The following CCT7 variants were observed in gnomAD, a reference collection of about 807,000 sequenced individuals.
The protein encoded by CCT7 is chaperonin containing TCP1 subunit 7.
A neutral mutation model predicts 56.6 loss-of-function variants in CCT7; 16 were observed. That is an observed-to-expected ratio of 0.28 (90% CI 0.19 to 0.43). CCT7 has a LOEUF of 0.43. CCT7 is among the 20% of genes least tolerant of loss of function. The pLI is 1.00. For synonymous variants in CCT7, 262 were observed against 254.8 expected, an observed-to-expected ratio of 1.03 and a Z score of -0.27; for missense variants, 519 against 685.6, an observed-to-expected ratio of 0.76 and a Z score of 2.71.
intron 4 of CCT7, chr2:73,243,781 T>G (rs1177280256): frequency 5.4e-6 from 3 of 560,372 alleles, no homozygotes; most frequent in Non-Finnish European, 9.5e-6. Flanking sequence ...TCTTCAGAAC[T>G]GTATACCCAC....
Position 73,244,632 on chromosome 2 carries a change from G to T in CCT7, c.535G>T (p.Val179Leu). The T allele has an allele frequency of 6.2e-7, 1 of 1,613,896 alleles. No homozygotes were observed. Among genetic ancestry groups the T allele is most frequent in the Non-Finnish European group, 8.5e-7 (1 of 1,179,800 alleles). ...SQQKAFFAKM[V>L]VDAVMMLDDL... ...GCAGAAAGCTTTCTTTGCTAAGATG[G>T]TGGTGGATGCAGTGATGATGCTCGA... The change falls in exon 6 of 12, where the codon GTG becomes TTG. Residue 179 changes from valine (V) to leucine (L), a missense_variant. Transcript: ENST00000258091.
chr2:73,252,324 GATATAT>G (rs57359293), intron 11 of CCT7, among the ~76,000 whole-genome samples: 6 of 127,314 alleles, frequency 4.7e-5, no homozygotes, highest in African/African-American at 1.5e-4. Flanking sequence ...CTCATTGTTT[GATATAT>G]ATATATATAT....
intron 7 of CCT7, 67 bp from the exon 8 acceptor site, chr2:73,248,924 A>G (rs1449039262): frequency 2.2e-6 from 3 of 1,337,844 alleles, no homozygotes; most frequent in South Asian, 1.3e-5. Context: ...AGATGGGTAT[A>G]TTTTACCCTA....
rs779829209 is a variant in CCT7, at chr2:73,244,656, G to A, written c.559G>A (p.Asp187Asn). 30 of 1,613,654 alleles carry A rather than the reference G, an allele frequency of 1.9e-5. No homozygotes were observed. The highest frequency in any genetic ancestry group is 2.4e-5 in the Non-Finnish European group (28 of 1,179,768). The change falls in exon 6 of 12, where the codon GAT (aspartate) becomes AAT (asparagine). Residue 187 changes from aspartate (D) to asparagine (N), a missense_variant. By Grantham distance (23) the Asp-to-Asn change is conservative. This residue lies in a region of CCT7 where 276 missense variants were observed against 357.3 expected (regional missense o/e 0.77). Transcript: ENST00000258091. ...KMVVDAVMML[D>N]DLLQLKMIGI... is the part of the protein sequence containing the mutation. ...GGTGGTGGATGCAGTGATGATGCTC[G>A]ATGATTTGCTGCAGCTTAAAATGAT...
At chr2:73,250,276 C>T in intron 9 of CCT7, 30 bp from the exon 10 acceptor site, 1 of 1,613,212 alleles carries the variant, frequency 6.2e-7, no homozygotes, top group South Asian at 1.1e-5. Flanking sequence ...GACAAGAGTT[C>T]ATGTGTGTAC....
chr2:73,249,259 A>T lies in CCT7; in HGVS notation c.972+80A>T, dbSNP rs374404872. Reference sequence around the variant, plus strand: ...ACTGACCCCTGGTATAACAGAGTGTACTGTCAGGTTGGCGTGTGAATTGAG... The same window carrying T: ...ACTGACCCCTGGTATAACAGAGTGTTCTGTCAGGTTGGCGTGTGAATTGAG... On this transcript the variant is annotated intron_variant, in intron 8 of 11. Coordinates refer to ENST00000258091, the MANE Select transcript of CCT7 (RefSeq NM_006429.4). 1.6e-5 allele frequency: 18 copies of T among 1,131,178 alleles called. 1 individual carries two copies. The highest frequency in any genetic ancestry group is 1.6e-4 in the African/African-American group (10 of 63,206). 70.1% of individuals were successfully genotyped at this position (1,131,178 alleles called of 1,614,324 possible). A position where few individuals can be genotyped will look rare whatever the true frequency, so the allele number is the denominator to read the frequency against.
At chr2:73,247,417 T>G (rs1231981731) in intron 6 of CCT7, among the ~76,000 whole-genome samples, 2 of 152,174 alleles carry the variant, frequency 1.3e-5, no homozygotes, top group Admixed American at 6.5e-5. Flanking sequence ...GCTCCTCTTC[T>G]GGCATACTTT....
chr2:73,249,973 T>C, intron 9 of CCT7, 57 bp downstream of exon 9: 1 of 1,198,276 alleles, frequency 8.3e-7, no homozygotes, highest in Non-Finnish European at 1.2e-6. Flanking sequence ...TCTTCTGCCA[T>C]CTTTTGGCTG....
intron 3 of CCT7, among the ~76,000 whole-genome samples, chr2:73,242,225 C>T (rs960997137): frequency 2.0e-5 from 3 of 151,854 alleles, no homozygotes; most frequent in African/African-American, 7.3e-5. Context: ...AGTTCAAAAC[C>T]AGTCTAGACA....
At chr2:73,236,198 GAC>G (rs1686875913) in intron 1 of CCT7, among the ~76,000 whole-genome samples, 1 of 152,250 alleles carries the variant, frequency 6.6e-6, no homozygotes, top group African/African-American at 2.4e-5. Flanking sequence ...CCTTGGCATA[GAC>G]ACACTTGTTT....
chr2:73,247,382 G>A (rs2103796482), intron 6 of CCT7, among the ~76,000 whole-genome samples: 1 of 152,126 alleles, frequency 6.6e-6, no homozygotes, highest in Non-Finnish European at 1.5e-5. Context: ...CACAGCTTTT[G>A]TTTTGCCTTC....
chr2:73,241,619 C>A (rs1687118301), intron 3 of CCT7, among the ~76,000 whole-genome samples: 1 of 152,122 alleles, frequency 6.6e-6, no homozygotes, highest in Non-Finnish European at 1.5e-5. Flanking sequence ...TAGAGTTTAT[C>A]CAATTTTCTT....
At chr2:73,250,035 C>G in intron 9 of CCT7, 119 bp downstream of exon 9, 1 of 784,546 alleles carries the variant, frequency 1.3e-6, no homozygotes. Context: ...TGGTATACAG[C>G]TTTTACAGAG....
intron 6 of CCT7, among the ~76,000 whole-genome samples, chr2:73,245,799 C>G (rs1257185899): frequency 6.6e-6 from 1 of 152,168 alleles, no homozygotes; most frequent in East Asian, 1.9e-4. Context: ...CATGTCAGAC[C>G]AGTGGGCTGA....
At chr2:73,240,630 T>C in intron 3 of CCT7, 87 bp downstream of exon 3, 1 of 642,252 alleles carries the variant, frequency 1.6e-6, no homozygotes, top group South Asian at 2.9e-5. Context: ...TTTTTAAGAT[T>C]TTATATAATT....
At chr2:73,236,674 G>T (rs975793616) in intron 1 of CCT7, among the ~76,000 whole-genome samples, 1 of 152,182 alleles carries the variant, frequency 6.6e-6, no homozygotes, top group South Asian at 2.1e-4. Flanking sequence ...AAAAAAAGGA[G>T]CGAGGTTGAA....
Position 73,252,817 on chromosome 2 carries a change from C to T in CCT7, c.1588C>T (p.Pro530Ser), listed in dbSNP as rs1687657102. 6.2e-7 allele frequency: 1 copy of T among 1,614,072 alleles called. No individual in the cohort carries two copies. Residue 530 changes from proline (P) to serine (S), a missense_variant, in exon 12 of 12, where the codon CCC (proline) becomes TCC (serine). Around this residue, in one of 3 missense-constraint regions of CCT7, gnomAD observed 237 missense variants for 300.8 expected, o/e 0.79. Transcript: ENST00000258091. The part of the protein sequence containing the change: ...IKNPRSTVDA[P>S]TAAGRGRGRG... ...GAACCCCCGCTCGACTGTGGATGCTCCCACAGCAGCAGGCCGGGGCCGTGG... is the reference window on the plus strand; with the variant it reads ...GAACCCCCGCTCGACTGTGGATGCTTCCACAGCAGCAGGCCGGGGCCGTGG...
intron 9 of CCT7, 101 bp downstream of exon 9, chr2:73,250,017 G>T: frequency 2.4e-6 from 2 of 850,048 alleles, no homozygotes; most frequent in Non-Finnish European, 4.0e-6. Flanking sequence ...TCACCTTTGT[G>T]TACAAAGTGG....
At chr2:73,243,264 A>G (rs1687192511) in intron 4 of CCT7, 135 bp downstream of exon 4, 2 of 906,594 alleles carry the variant, frequency 2.2e-6, no homozygotes, top group Non-Finnish European at 3.4e-6. Context: ...TCTCCTTAGT[A>G]ATCTCAGTTC....
Sources: gnomAD v4.1 joint callset for allele counts (sites outside exome capture counted in the v4.1 genomes callset) on GRCh38, gnomAD v4.1.1 for gene constraint, gnomAD v4.1.1 regional missense constraint, MANE v1.5 for transcripts, NCBI Gene and HGNC (gene_info 2026-07-23, HGNC 2026-07-21) for gene names.